The following ERCC6 variants were observed in gnomAD, a reference collection of about 807,000 sequenced individuals.
The protein encoded by ERCC6 is DNA excision repair protein ERCC-6.
Under a neutral mutation model 158.7 loss-of-function variants are expected in ERCC6, and 116 were observed. That is an observed-to-expected ratio of 0.73 (90% CI 0.63 to 0.85). ERCC6 has a LOEUF of 0.85. Ranked by LOEUF, ERCC6 falls within the 40% of genes least tolerant of loss-of-function variation. The pLI, the probability that ERCC6 is intolerant of heterozygous loss-of-function variation, is 0.00. For missense variants in ERCC6, 1,698 were observed against 1,799.4 expected, an observed-to-expected ratio of 0.94 and a Z score of 1.02; for synonymous variants, 678 against 659.3, an observed-to-expected ratio of 1.03 and a Z score of -0.43.
In ERCC6 at chr10:49,483,453, G is replaced by A. The variant is rs755918437; in HGVS notation, c.1885C>T (p.Arg629Ter). The change falls in exon 9 of 21, where the codon CGA (arginine) becomes TGA (stop). Residue 629 changes from arginine to a stop codon, truncating the protein, a stop_gained. Transcript: ENST00000355832. LOFTEE classifies it high-confidence loss of function. The part of the protein sequence containing the change: ...GILITSYSYI[R>*]LMQDDISRYD... ...CTGCTAATGTCATCCTGCATCAATC[G>A]AATGTAGGAGTAAGATGTGATCAAA... 5.6e-6 allele frequency: 9 copies of A among 1,613,586 alleles called. No homozygotes were observed. Among genetic ancestry groups the A allele is most frequent in the South Asian group, 5.5e-5 (5 of 91,076 alleles).
intron 7 of ERCC6, among the ~76,000 whole-genome samples, chr10:49,495,622 CCTGG>C (rs138507121): frequency 3.9e-5 from 6 of 152,262 alleles, no homozygotes; most frequent in African/African-American, 1.4e-4. Flanking sequence ...TCCTCCCCTA[CCTGG>C]CTGTCCCCTG....
chr10:49,517,160 T>G (rs754203664), intron 5 of ERCC6: 2 of 1,525,254 alleles, frequency 1.3e-6, no homozygotes, highest in Non-Finnish European at 1.8e-6. Context: ...CTAGTGGTAG[T>G]GGTTTTGCCT....
chr10:49,521,858 G>A (rs534177962), intron 5 of ERCC6, among the ~76,000 whole-genome samples: 5 of 152,294 alleles, frequency 3.3e-5, no homozygotes, highest in South Asian at 4.1e-4. Flanking sequence ...AGGGCTTGAC[G>A]GAAAATTCCT....
the ERCC6 span, among the ~76,000 whole-genome samples, chr10:49,436,274 T>C: frequency 6.6e-6 from 1 of 152,082 alleles, no homozygotes; most frequent in Non-Finnish European, 1.5e-5. Flanking sequence ...TTTCCAAATG[T>C]AGAGTAGGAA....
intron 7 of ERCC6, among the ~76,000 whole-genome samples, chr10:49,494,449 A>G (rs1017482295): frequency 2.0e-5 from 3 of 152,206 alleles, no homozygotes; most frequent in African/African-American, 7.2e-5. Flanking sequence ...TATTTATGGA[A>G]TCACCCCAAT....
At chr10:49,527,578 G>A (rs1319805097) in intron 4 of ERCC6, among the ~76,000 whole-genome samples, 1 of 152,226 alleles carries the variant, frequency 6.6e-6, no homozygotes, top group Non-Finnish European at 1.5e-5. Context: ...GGGAGGCTGA[G>A]GCAGGAGAAT....
intron 8 of ERCC6, among the ~76,000 whole-genome samples, chr10:49,484,470 T>C (rs995650649): frequency 6.6e-6 from 1 of 151,998 alleles, no homozygotes; most frequent in South Asian, 2.1e-4. Context: ...CCAGGCAAAG[T>C]GGCTTATGTC....
intron 8 of ERCC6, among the ~76,000 whole-genome samples, chr10:49,488,862 C>T (rs1452092593): frequency 6.6e-6 from 1 of 152,096 alleles, no homozygotes; most frequent in Non-Finnish European, 1.5e-5. Flanking sequence ...CAGCTCACTG[C>T]AAGTTCCGCC....
In ERCC6 at chr10:49,476,069, T is replaced by C. The variant is rs1030596596; in HGVS notation, c.2382+146A>G. On this transcript the variant is annotated intron_variant, in intron 12 of 20. Transcript: ENST00000355832. ...TTACGGCTCCAGGCCATAGGCTGAC[T>C]GCACATCTACCATGCGGGACTTCAT... The C allele has an allele frequency of 1.0e-5, 7 of 693,436 alleles. No individual in the cohort carries two copies. The African/African-American group carries it at 1.1e-4, about 11-fold the overall frequency. 43.0% of individuals were successfully genotyped at this position (693,436 alleles called of 1,614,324 possible). A position where few individuals can be genotyped will look rare whatever the true frequency, so the allele number is the denominator to read the frequency against.
chr10:49,525,401 A>T (rs1837291837), intron 4 of ERCC6, among the ~76,000 whole-genome samples: 1 of 152,244 alleles, frequency 6.6e-6, no homozygotes, highest in African/African-American at 2.4e-5. Context: ...ATAATGGGCA[A>T]CACAGAGAAC....
At chr10:49,520,078 G>C (rs1837111470) in intron 5 of ERCC6, among the ~76,000 whole-genome samples, 1 of 152,212 alleles carries the variant, frequency 6.6e-6, no homozygotes, top group Non-Finnish European at 1.5e-5. Context: ...CATAAAAGAG[G>C]ATTTTTGAGA....
At chr10:49,442,942 C>T in the ERCC6 span, among the ~76,000 whole-genome samples, 1 of 152,168 alleles carries the variant, frequency 6.6e-6, no homozygotes, top group Non-Finnish European at 1.5e-5. Flanking sequence ...AGGATTAAAA[C>T]ATACCCAACA....
chr10:49,445,907 AAC>A, the ERCC6 span, among the ~76,000 whole-genome samples: 1 of 152,168 alleles, frequency 6.6e-6, no homozygotes, highest in African/African-American at 2.4e-5. Flanking sequence ...GCCTCAGAAA[AAC>A]AGTGGGCTAG....
chr10:49,470,639 A>G lies in ERCC6; in HGVS notation c.3321T>C (p.Leu1107=). ...CAGATACTGCATTTGTCTCTTCTCC[A>G]AGCCTATCATTGCTAGTTACATTAC... The part of the protein sequence containing the change: ...MSSNVTSNDR[L]GEETNAVSGP... The change falls in exon 18 of 21, where the codon CTT becomes CTC. Residue 1107 remains leucine (L), a synonymous_variant. Transcript: ENST00000355832. 6.2e-7 allele frequency: 1 copy of G among 1,613,672 alleles called. No homozygotes were observed. Among genetic ancestry groups the G allele is most frequent in the Non-Finnish European group, 8.5e-7 (1 of 1,179,692 alleles).
chr10:49,497,441 C>T (rs983130421), intron 7 of ERCC6, among the ~76,000 whole-genome samples: 5 of 152,180 alleles, frequency 3.3e-5, no homozygotes, highest in African/African-American at 4.8e-5. Context: ...TATAATGTGC[C>T]TTCTGCAAAC....
At chr10:49,537,498 T>TACACAC (rs1363434482) in intron 1 of ERCC6, among the ~76,000 whole-genome samples, 10 of 135,448 alleles carry the variant, frequency 7.4e-5, no homozygotes, top group African/African-American at 2.8e-4. Flanking sequence ...TATATATATA[T>TACACAC]ATATACACAT....
chr10:49,516,284 A>G (rs1448175826), intron 5 of ERCC6: 30 of 1,614,106 alleles, frequency 1.9e-5, no homozygotes, highest in Non-Finnish European at 2.5e-5. Flanking sequence ...CGTGACGACC[A>G]AAATAAGGAA....
At chr10:49,480,493 C>G (rs760065223) in intron 10 of ERCC6, among the ~76,000 whole-genome samples, 1 of 152,102 alleles carries the variant, frequency 6.6e-6, no homozygotes, top group Admixed American at 6.5e-5. Context: ...GCAAATACAA[C>G]CAATACTCTG....
At chr10:49,506,150 A>G (rs1564432345) in intron 5 of ERCC6, 138 bp from the exon 6 acceptor site, 9 of 870,220 alleles carry the variant, frequency 1.0e-5, no homozygotes, top group Non-Finnish European at 1.3e-5. Flanking sequence ...ATTACCCAAA[A>G]CACTGATATT....
Sources: gnomAD v4.1 joint callset for allele counts (sites outside exome capture counted in the v4.1 genomes callset) on GRCh38, gnomAD v4.1.1 for gene constraint, MANE v1.5 for transcripts, NCBI Gene and HGNC (gene_info 2026-07-23, HGNC 2026-07-21) for gene names.